Variants in PID1 observed in about 807,000 individuals in gnomAD.
The protein encoded by PID1 is phosphotyrosine interaction domain containing 1, also known as PTB-containing, cubilin and LRP1-interacting protein.
In PID1, 10 loss-of-function variants were observed where a neutral mutation model predicts 19.1. The ratio of observed to expected loss-of-function variants is 0.52; its 90% CI spans 0.32 to 0.89. The LOEUF is 0.89. Among genes scored for constraint, PID1 ranks in the 40% least tolerant of loss-of-function variants. The pLI, the probability that PID1 is intolerant of heterozygous loss-of-function variation, is 0.03. For missense variants in PID1, 248 were observed against 285.3 expected, an observed-to-expected ratio of 0.87 and a Z score of 0.94; for synonymous variants, 130 against 116.0, an observed-to-expected ratio of 1.12 and a Z score of -0.78.
At chr2:229,185,497 T>C (rs1574703535) in intron 1 of PID1, among the ~76,000 whole-genome samples, 1 of 152,154 alleles carries the variant, frequency 6.6e-6, no homozygotes, top group South Asian at 2.1e-4. Context: ...AGAGTTTTAA[T>C]TGGGCTTACA....
intron 1 of PID1, among the ~76,000 whole-genome samples, chr2:229,209,512 G>A (rs187772958): frequency 6.6e-6 from 1 of 152,340 alleles, no homozygotes; most frequent in East Asian, 1.9e-4. Flanking sequence ...CACAGGGGCA[G>A]TGGAACCACA....
At position 229,089,251 on chromosome 2, in the gene PID1, C is replaced by A. The variant is rs1574619632; in HGVS notation, c.178-63143G>T. Among the ~76,000 whole-genome samples, 2 of 152,154 alleles carry A rather than the reference C, an allele frequency of 1.3e-5. 1 individual carries two copies. The highest frequency in any genetic ancestry group is 4.1e-4 in the South Asian group (2 of 4,828). On this transcript the variant is annotated intron_variant, in intron 2 of 2. Transcript: ENST00000392055. ...TTACTTGTCTGATATTGGTAAAGTT[C>A]TCTATATTTAAAGGTGTCTGAAAAC...
chr2:229,155,868 G>A lies in PID1; in HGVS notation c.127C>T (p.Leu43=), dbSNP rs1348716854. ...TTCATCAGCGGTGTGGTCGTGCACA[G>A]CTCAATGGCCTCCGGCTCATGGAAG... ...VIFHEPEAIE[L]CTTTPLMKTR... is the part of the protein sequence containing the mutation. The change falls in exon 2 of 3, where the codon CTG becomes TTG. Residue 43 remains leucine (L), a synonymous_variant. Transcript: ENST00000392055. 6.2e-7 allele frequency: 1 copy of A among 1,613,890 alleles called. No homozygotes were observed. Among genetic ancestry groups the A allele is most frequent in the Admixed American group, 1.7e-5 (1 of 60,020 alleles).
chr2:229,078,515 T>C (rs1158512179), intron 2 of PID1, among the ~76,000 whole-genome samples: 2 of 152,186 alleles, frequency 1.3e-5, no homozygotes, highest in Non-Finnish European at 2.9e-5. Flanking sequence ...CCCTTCAGTA[T>C]GATATTAGCT....
chr2:229,149,055 T>C (rs921600879), intron 2 of PID1, among the ~76,000 whole-genome samples: 6 of 150,026 alleles, frequency 4.0e-5, no homozygotes, highest in Admixed American at 2.7e-4. Context: ...ATATATTATA[T>C]TAGATTCTAT....
At chr2:229,224,581 G>C (rs1013129260) in intron 1 of PID1, among the ~76,000 whole-genome samples, 1 of 151,770 alleles carries the variant, frequency 6.6e-6, no homozygotes, top group Non-Finnish European at 1.5e-5. Flanking sequence ...TCTTATTTTT[G>C]AGTCATCTAT....
intron 2 of PID1, among the ~76,000 whole-genome samples, chr2:229,105,893 C>T (rs993487042): frequency 2.0e-5 from 3 of 151,974 alleles, no homozygotes; most frequent in Non-Finnish European, 2.9e-5. Flanking sequence ...TCCTGGCTAA[C>T]ACGGTGAAAC....
chr2:229,212,781 G>A (rs753842904), intron 1 of PID1, among the ~76,000 whole-genome samples: 15 of 152,006 alleles, frequency 9.9e-5, no homozygotes, highest in Admixed American at 5.2e-4. Context: ...TTGAGGATTC[G>A]TTACTGAACT....
chr2:229,213,852 C>A (rs943781969), intron 1 of PID1, among the ~76,000 whole-genome samples: 1 of 152,188 alleles, frequency 6.6e-6, no homozygotes, highest in African/African-American at 2.4e-5. Flanking sequence ...ACACATGAAG[C>A]AGTAAATTCA....
chr2:229,114,011 G>A (rs770727611), intron 2 of PID1, among the ~76,000 whole-genome samples: 21 of 152,056 alleles, frequency 1.4e-4, no homozygotes, highest in South Asian at 4.1e-4. Context: ...AAAGGCTGAC[G>A]TCCCTGGAAG....
intron 1 of PID1, among the ~76,000 whole-genome samples, chr2:229,259,697 C>T (rs1690406528): frequency 1.3e-5 from 2 of 152,192 alleles, no homozygotes; most frequent in Non-Finnish European, 2.9e-5. Context: ...TTGTTGAAAA[C>T]ACTATTATCC....
At chr2:229,232,224 C>T in intron 1 of PID1, 1 of 1,066,484 alleles carries the variant, frequency 9.4e-7, no homozygotes, top group Non-Finnish European at 1.3e-6. Context: ...GAGATCAAGA[C>T]CATCCTGGCT....
intron 2 of PID1, among the ~76,000 whole-genome samples, chr2:229,068,962 G>T (rs2106200131): frequency 6.6e-6 from 1 of 152,232 alleles, no homozygotes; most frequent in African/African-American, 2.4e-5. Context: ...CTCTCTCTCA[G>T]AGTGCCTACA....
At chr2:229,054,721 G>GTGTGTGTGT (rs1266888214) in intron 2 of PID1, among the ~76,000 whole-genome samples, 6 of 29,170 alleles carry the variant, frequency 2.1e-4, no homozygotes, top group African/African-American at 5.7e-4. Context: ...TGTGTGTGTG[G>GTGTGTGTGT]GGGGGGGGGG....
chr2:229,060,883 A>G (rs368333595), intron 2 of PID1, among the ~76,000 whole-genome samples: 10 of 152,132 alleles, frequency 6.6e-5, no homozygotes, highest in South Asian at 6.2e-4. Context: ...GATTCTTCAT[A>G]TATCTGTTGG....
chr2:229,134,403 CT>C (rs11354687), intron 2 of PID1, among the ~76,000 whole-genome samples: 139,288 of 141,414 alleles, frequency 0.98, 68,603 homozygotes, highest in Middle Eastern at 1. Context: ...CCACTCCTGG[CT>C]TTTTTTTTTT....
At chr2:229,082,659 C>T (rs1186727507) in intron 2 of PID1, among the ~76,000 whole-genome samples, 1 of 152,164 alleles carries the variant, frequency 6.6e-6, no homozygotes, top group Non-Finnish European at 1.5e-5. Flanking sequence ...CAGAGAGTGG[C>T]TCCTGGCTAA....
intron 1 of PID1, among the ~76,000 whole-genome samples, chr2:229,252,601 G>C (rs1352721826): frequency 6.6e-6 from 1 of 152,194 alleles, no homozygotes; most frequent in Non-Finnish European, 1.5e-5. Flanking sequence ...ACAGAGTAGA[G>C]AGGAGACATA....
chr2:229,113,396 TTA>T (rs201928895), intron 2 of PID1, among the ~76,000 whole-genome samples: 2 of 142,232 alleles, frequency 1.4e-5, no homozygotes, highest in South Asian at 2.1e-4. Context: ...TTATATATAT[TTA>T]TATATATATA....
Sources: gnomAD v4.1 joint callset for allele counts (sites outside exome capture counted in the v4.1 genomes callset) on GRCh38, gnomAD v4.1.1 for gene constraint, MANE v1.5 for transcripts, NCBI Gene and HGNC (gene_info 2026-07-23, HGNC 2026-07-21) for gene names.